Variants in EIF2B4 observed in about 807,000 individuals in gnomAD.
The protein encoded by EIF2B4 is eukaryotic translation initiation factor 2B subunit delta, also known as translation initiation factor eIF2B subunit delta.
EIF2B4 carries 34 observed loss-of-function variants against 66.7 expected under a neutral mutation model. That is an observed-to-expected ratio of 0.51 (90% confidence interval 0.39 to 0.68). EIF2B4 has a LOEUF of 0.68. EIF2B4 is among the 30% of genes least tolerant of loss of function. EIF2B4 has a pLI of 0.00. For missense variants in EIF2B4, 618 were observed against 657.9 expected (o/e 0.94, Z 0.66); for synonymous variants, 278 against 253.6 (o/e 1.10, Z -0.92).
In EIF2B4 at chr2:27,366,843, T is replaced by C. The variant is rs1558634871; in HGVS notation, c.1107A>G (p.Gly369=). The change falls in exon 11 of 13, where the codon GGA becomes GGG. Residue 369 remains glycine (G), a synonymous_variant. Coordinates refer to ENST00000347454, the MANE Select transcript of EIF2B4 (RefSeq NM_001034116.2). ...VVVDSRPWLE[G]RHTLRSLVHA... is the part of the protein sequence containing the mutation. ...GGACTAGAGAACGTAGTGTGTGCCT[T>C]CCTTCCAGCCATGGCCGGCTGTCCA... is the stretch of plus-strand genomic sequence containing the variant. The C allele has an allele frequency of 6.2e-7, 1 of 1,614,190 alleles. No individual in the cohort carries two copies. The highest frequency in any genetic ancestry group is 8.5e-7 in the Non-Finnish European group (1 of 1,180,038).
Position 27,364,600 on chromosome 2 carries a change from C to G in EIF2B4, c.1373-1G>C. 1 of 1,614,220 alleles carries G rather than the reference C, an allele frequency of 6.2e-7. No individual in the cohort carries two copies. Among genetic ancestry groups the G allele is most frequent in the Non-Finnish European group, 8.5e-7 (1 of 1,180,050 alleles). On this transcript the variant is annotated splice_acceptor_variant, in intron 12 of 12. Coordinates refer to ENST00000347454, the MANE Select transcript of EIF2B4 (RefSeq NM_001034116.2). LOFTEE classifies it high-confidence loss of function. ...TTACATTGCAGATCATCAGGGTCATCTGCAATGGAAGGCGTACCCATTATG... is the reference window on the plus strand; with the variant it reads ...TTACATTGCAGATCATCAGGGTCATGTGCAATGGAAGGCGTACCCATTATG...
chr2:27,367,171 G>T lies in EIF2B4; in HGVS notation c.916C>A (p.Arg306=). ...AGCACAATCTTCTCTTGCACATACC[G>T]ATCAATGGCTGCTCGAAGTTCTGAC... ...AKSELRAAID[R]YVQEKIVLAA... is the part of the protein sequence containing the mutation. Residue 306 remains arginine, a synonymous_variant, in exon 10 of 13, where the codon CGG becomes AGG. Coordinates refer to ENST00000347454, the MANE Select transcript of EIF2B4 (RefSeq NM_001034116.2). The T allele has an allele frequency of 6.2e-7, 1 of 1,614,096 alleles. No homozygotes were observed. The highest frequency in any genetic ancestry group is 1.1e-5 in the South Asian group (1 of 91,054).
intron 7 of EIF2B4, 23 bp from the exon 8 acceptor site, chr2:27,367,845 T>A: frequency 6.2e-7 from 1 of 1,602,678 alleles, no homozygotes; most frequent in South Asian, 1.1e-5. Flanking sequence ...CAAGGTGATC[T>A]GCAAAATACC....
At position 27,368,752 on chromosome 2, in the gene EIF2B4, G is replaced by C. The variant is rs749149001; in HGVS notation, c.419-19C>G. On this transcript the variant is annotated intron_variant, in intron 4 of 12. Coordinates refer to ENST00000347454, the MANE Select transcript of EIF2B4 (RefSeq NM_001034116.2). ...TTCACTCCTGAAAGATAATCATCAT[G>C]TTTTCAGGACACTGTAGGTCTTGAA... 4.8e-5 allele frequency: 78 copies of C among 1,612,134 alleles called. No individual in the cohort carries two copies. Among genetic ancestry groups the C allele is most frequent in the Non-Finnish European group, 6.3e-5 (74 of 1,178,342 alleles).
At chr2:27,365,058 T>A in intron 11 of EIF2B4, 160 bp from the exon 12 acceptor site, 1 of 681,540 alleles carries the variant, frequency 1.5e-6, no homozygotes, top group Non-Finnish European at 2.4e-6. Context: ...AATAAATCTT[T>A]TTTTTTTTTT....
Position 27,367,201 on chromosome 2 carries a change from C to T in EIF2B4, c.886G>A (p.Ala296Thr). 1 of 1,614,092 alleles carries T rather than the reference C, an allele frequency of 6.2e-7. No homozygotes were observed. The highest frequency in any genetic ancestry group is 8.5e-7 in the Non-Finnish European group (1 of 1,180,024). ...SVGSSKREEEAKSELRAAIDR... is the reference protein window; with the variant it reads ...SVGSSKREEETKSELRAAIDR... ...ATGGCTGCTCGAAGTTCTGACTTGG[C>T]CTAAATGGAGTAAAATCCTTAGTGA... is the stretch of plus-strand genomic sequence containing the variant. Residue 296 changes from alanine to threonine, a missense_variant and splice_region_variant, in exon 10 of 13, where the codon GCC (alanine) becomes ACC (threonine). By Grantham distance (58) the Ala-to-Thr change is moderately conservative. This residue lies in a region of EIF2B4 where 506 missense variants were observed against 511.9 expected (regional missense o/e 0.99). Transcript: ENST00000347454.
intron 8 of EIF2B4, 81 bp from the exon 9 acceptor site, chr2:27,367,640 AAAAAG>A: frequency 6.3e-7 from 1 of 1,596,616 alleles, no homozygotes; most frequent in South Asian, 1.1e-5. Flanking sequence ...AAAAGTCTTT[AAAAAG>A]AAAATAGAAC....
chr2:27,366,593 C>G (rs950057695), intron 11 of EIF2B4, 166 bp downstream of exon 11: 1 of 771,568 alleles, frequency 1.3e-6, no homozygotes, highest in Non-Finnish European at 2.2e-6. Flanking sequence ...GTGGGAAGAT[C>G]ACCTGAGCCC....
At chr2:27,364,939 G>C in intron 11 of EIF2B4, 41 bp from the exon 12 acceptor site, 2 of 1,597,454 alleles carry the variant, frequency 1.3e-6, no homozygotes, top group Non-Finnish European at 1.7e-6. Flanking sequence ...TGTCATTGTT[G>C]TATCAATGCA....
chr2:27,367,178 G>A lies in EIF2B4; in HGVS notation c.909C>T (p.Ala303=). The change falls in exon 10 of 13, where the codon GCC becomes GCT. Residue 303 remains alanine, a synonymous_variant. Coordinates refer to ENST00000347454, the MANE Select transcript of EIF2B4 (RefSeq NM_001034116.2). The part of the protein sequence containing the change: ...EEEAKSELRA[A]IDRYVQEKIV... ...TCTTCTCTTGCACATACCGATCAAT[G>A]GCTGCTCGAAGTTCTGACTTGGCCT... The A allele has an allele frequency of 1.9e-6, 3 of 1,614,142 alleles. No individual in the cohort carries two copies. The highest frequency in any genetic ancestry group is 3.3e-4 in the Middle Eastern group (2 of 6,062).
In EIF2B4 at chr2:27,367,443, C is replaced by T. The variant is rs1483555197; in HGVS notation, c.885+14G>A. 6.2e-7 allele frequency: 1 copy of T among 1,613,838 alleles called. No individual in the cohort carries two copies. Among genetic ancestry groups the T allele is most frequent in the African/African-American group, 1.3e-5 (1 of 74,878 alleles). On this transcript the variant is annotated intron_variant, in intron 9 of 12. Coordinates refer to ENST00000347454, the MANE Select transcript of EIF2B4 (RefSeq NM_001034116.2). ...CCACAGGTGCATGCCTTCCTTATTT[C>T]TCATACTCATCACCTCCTCTTCCCG...
At position 27,366,795 on chromosome 2, in the gene EIF2B4, G is replaced by A. The variant is rs144124145; in HGVS notation, c.1155C>T (p.Tyr385=). 86 of 1,614,230 alleles carry A rather than the reference G, an allele frequency of 5.3e-5. No homozygotes were observed. In the African/African-American group the frequency reaches 1.0e-3, roughly 20 times the overall value. ...CATAGGAGGCTGCAGGAATCAGCAG[G>A]TAGGAGGCTGGGACACCAGCATGGA... ...SLVHAGVPAS[Y]LLIPAASYVL... Residue 385 remains tyrosine (Y), a synonymous_variant, in exon 11 of 13, where the codon TAC becomes TAT. Transcript: ENST00000347454.
chr2:27,366,126 G>GCGCA (rs1250932779), intron 11 of EIF2B4: 1 of 97,642 alleles, frequency 1.0e-5, no homozygotes, highest in East Asian at 3.6e-4. Flanking sequence ...GCGTGCGCGC[G>GCGCA]CGCACGCACT....
At position 27,369,175 on chromosome 2, in the gene EIF2B4, C is replaced by T. The variant is rs371589780; in HGVS notation, c.249G>A (p.Gln83=). The T allele has an allele frequency of 3.7e-6, 6 of 1,613,064 alleles. No individual in the cohort carries two copies. In the African/African-American group the frequency reaches 8.0e-5, roughly 22 times the overall value. ...GAACTTTCTCCCGAGGAGTGCCCAA[C>T]TGAATGCCCGATTCTGGCAGTTCTC... ...PTRELPESGI[Q]LGTPREKVPA... The change falls in exon 4 of 13, where the codon CAG becomes CAA. Residue 83 remains glutamine, a synonymous_variant. Coordinates refer to ENST00000347454, the MANE Select transcript of EIF2B4 (RefSeq NM_001034116.2).
At chr2:27,367,666 AAGAG>A in intron 8 of EIF2B4, 76 bp downstream of exon 8, 1 of 1,589,068 alleles carries the variant, frequency 6.3e-7, no homozygotes, top group Non-Finnish European at 8.6e-7. Flanking sequence ...ACAAAATGAA[AAGAG>A]AGATAGAAAA....
At position 27,364,619 on chromosome 2, in the gene EIF2B4, C is replaced by T; in HGVS notation, c.1373-20G>A. ...GGTCATCTGCAATGGAAGGCGTACC[C>T]ATTATGTTCTTTCAGAAAAGAAGTT... On this transcript the variant is annotated intron_variant, in intron 12 of 12. Transcript: ENST00000347454. The T allele has an allele frequency of 1.9e-6, 3 of 1,614,192 alleles. No individual in the cohort carries two copies. Among genetic ancestry groups the T allele is most frequent in the Non-Finnish European group, 2.5e-6 (3 of 1,180,030 alleles).
Position 27,367,552 on chromosome 2 carries a change from T to C in EIF2B4, c.790A>G (p.Thr264Ala). The change falls in exon 9 of 13, where the codon ACT becomes GCT. Residue 264 changes from threonine (T) to alanine (A), a missense_variant. Physicochemically the swap from Thr to Ala is moderately conservative, Grantham distance 58 (BLOSUM62 0). Transcript: ENST00000347454. ...CTCGCTGACAGGGGACGGCACTGAGTCAGGAAGCTATAATACAACAGCAAT... is the reference window on the plus strand; with the variant it reads ...CTCGCTGACAGGGGACGGCACTGAGCCAGGAAGCTATAATACAACAGCAAT... ...NKLKPYMSFLTQCRPLSASMH... is the reference protein window; with the variant it reads ...NKLKPYMSFLAQCRPLSASMH... 1 of 1,613,832 alleles carries C rather than the reference T, an allele frequency of 6.2e-7. No homozygotes were observed. The highest frequency in any genetic ancestry group is 2.2e-5 in the East Asian group (1 of 44,878).
At chr2:27,368,261 T>C (rs1012086936) in intron 6 of EIF2B4, 111 bp downstream of exon 6, 3 of 1,328,248 alleles carry the variant, frequency 2.3e-6, no homozygotes, top group Non-Finnish European at 2.1e-6. Flanking sequence ...AGTTCTGCCT[T>C]GGGTTCATAC....
At chr2:27,369,623 A>G (rs1018941187) in intron 2 of EIF2B4, 74 bp from the exon 3 acceptor site, 2 of 1,608,866 alleles carry the variant, frequency 1.2e-6, no homozygotes, top group Admixed American at 3.3e-5. Flanking sequence ...GATGCTTACA[A>G]GATTTCCACA....
Sources: gnomAD v4.1 joint callset for allele counts on GRCh38, gnomAD v4.1.1 for gene constraint, gnomAD v4.1.1 regional missense constraint, MANE v1.5 for transcripts, NCBI Gene and HGNC (gene_info 2026-07-23, HGNC 2026-07-21) for gene names.